Variants in BBS9 observed in about 807,000 individuals in gnomAD.
BBS9 encodes the protein Bardet-Biedl syndrome 9.
BBS9 carries 89 observed loss-of-function variants against 117.7 expected under a neutral mutation model. The observed-to-expected ratio is 0.76, with a 90% CI of 0.64 to 0.90. The LOEUF (loss-of-function observed/expected upper bound fraction) is 0.90, where lower values mean the gene tolerates loss of function less well. Ranked by LOEUF, BBS9 falls within the 40% of genes least tolerant of loss-of-function variation. The pLI is 0.00. For missense variants in BBS9, 982 were observed against 1,042.2 expected, an observed-to-expected ratio of 0.94 and a Z score of 0.80; for synonymous variants, 379 against 370.9, an observed-to-expected ratio of 1.02 and a Z score of -0.25.
intron 19 of BBS9, among the ~76,000 whole-genome samples, chr7:33,442,226 G>A (rs1168849454): frequency 6.6e-6 from 1 of 152,106 alleles, no homozygotes; most frequent in Non-Finnish European, 1.5e-5. Flanking sequence ...TCCACTTTCA[G>A]TCAGTTTGAC....
intron 5 of BBS9, among the ~76,000 whole-genome samples, chr7:33,219,972 C>T (rs572645781): frequency 6.6e-6 from 1 of 152,294 alleles, no homozygotes; most frequent in South Asian, 2.1e-4. Context: ...ACCATGAACC[C>T]ACCAGAAGGA....
chr7:33,303,917 C>T (rs2128527891), intron 9 of BBS9, among the ~76,000 whole-genome samples: 1 of 152,306 alleles, frequency 6.6e-6, no homozygotes, highest in Middle Eastern at 3.4e-3. Flanking sequence ...ACAGCCTCTG[C>T]CTGGCCGCCA....
At chr7:33,175,214 G>T (rs1451169867) in intron 4 of BBS9, among the ~76,000 whole-genome samples, 7 of 151,966 alleles carry the variant, frequency 4.6e-5, no homozygotes, top group African/African-American at 7.3e-5. Context: ...TGAGGCAAGA[G>T]AATTGCTTGA....
intron 17 of BBS9, among the ~76,000 whole-genome samples, chr7:33,377,293 G>A (rs76122346): frequency 0.011 from 1,635 of 151,236 alleles, 17 homozygotes; most frequent in African/African-American, 0.037. Flanking sequence ...CACCATTTGC[G>A]TGTTTTTGTC....
At chr7:33,392,579 T>C (rs1827244272) in intron 19 of BBS9, among the ~76,000 whole-genome samples, 1 of 152,224 alleles carries the variant, frequency 6.6e-6, no homozygotes, top group African/African-American at 2.4e-5. Flanking sequence ...ATATAGACTT[T>C]GCCTCTTTGT....
At chr7:33,149,216 A>G (rs1190169822) in intron 2 of BBS9, among the ~76,000 whole-genome samples, 1 of 152,214 alleles carries the variant, frequency 6.6e-6, no homozygotes, top group Non-Finnish European at 1.5e-5. Flanking sequence ...AGATGGGATC[A>G]GGTGTGCAGA....
At chr7:33,313,286 TA>T (rs141257564) in intron 9 of BBS9, among the ~76,000 whole-genome samples, 10,319 of 152,274 alleles carry the variant, frequency 0.068, 399 homozygotes, top group African/African-American at 0.079. Flanking sequence ...ATGACCAGTG[TA>T]ACTTGCCCAT....
intron 19 of BBS9, among the ~76,000 whole-genome samples, chr7:33,469,351 G>T (rs972967464): frequency 6.6e-6 from 1 of 152,048 alleles, no homozygotes; most frequent in Non-Finnish European, 1.5e-5. Context: ...AAATCAGTGT[G>T]CACAGATATC....
intron 21 of BBS9, among the ~76,000 whole-genome samples, chr7:33,556,756 A>G (rs1208054374): frequency 6.6e-6 from 1 of 152,134 alleles, no homozygotes; most frequent in Non-Finnish European, 1.5e-5. Context: ...AACATCACAG[A>G]ACTGCTCTAA....
chr7:33,421,770 T>G (rs1832895600), intron 19 of BBS9, among the ~76,000 whole-genome samples: 1 of 152,222 alleles, frequency 6.6e-6, no homozygotes, highest in African/African-American at 2.4e-5. Flanking sequence ...AGAAAAGCAT[T>G]CTCTAATTTA....
At chr7:33,260,510 T>C (rs940907974) in intron 6 of BBS9, among the ~76,000 whole-genome samples, 1 of 152,214 alleles carries the variant, frequency 6.6e-6, no homozygotes, top group African/African-American at 2.4e-5. Context: ...TTCCAGAGTA[T>C]CTTGCATTAT....
chr7:33,134,474 A>G (rs532555792), intron 1 of BBS9, among the ~76,000 whole-genome samples: 3 of 152,278 alleles, frequency 2.0e-5, no homozygotes, highest in African/African-American at 7.2e-5. Context: ...ACTGAGTTGT[A>G]TGAGTTCTTG....
intron 19 of BBS9, among the ~76,000 whole-genome samples, chr7:33,474,626 G>A (rs1352086181): frequency 2.0e-5 from 3 of 152,116 alleles, no homozygotes; most frequent in African/African-American, 7.2e-5. Context: ...ATCTCTTTCT[G>A]TCTATGCTCC....
intron 1 of BBS9, among the ~76,000 whole-genome samples, chr7:33,144,159 G>A (rs559434273): frequency 1.2e-4 from 18 of 152,256 alleles, no homozygotes; most frequent in African/African-American, 4.1e-4. Flanking sequence ...GTTAACATGT[G>A]GTGGCACAGG....
At chr7:33,580,775 G>A (rs1859743922) in intron 21 of BBS9, among the ~76,000 whole-genome samples, 1 of 152,106 alleles carries the variant, frequency 6.6e-6, no homozygotes, top group Non-Finnish European at 1.5e-5. Flanking sequence ...AACATATATA[G>A]GGTGATGGAT....
At chr7:33,147,120 CATATT>C (rs1792526274) in intron 2 of BBS9, among the ~76,000 whole-genome samples, 2 of 152,154 alleles carry the variant, frequency 1.3e-5, no homozygotes, top group Non-Finnish European at 2.9e-5. Context: ...CTTTCATTAT[CATATT>C]ATAATACTAA....
At chr7:33,469,199 C>CTT (rs1243990489) in intron 19 of BBS9, among the ~76,000 whole-genome samples, 1 of 152,118 alleles carries the variant, frequency 6.6e-6, no homozygotes, top group Non-Finnish European at 1.5e-5. Flanking sequence ...TGCCAAACCA[C>CTT]TTTAGCCCAG....
At chr7:33,395,839 A>G (rs991619624) in intron 19 of BBS9, among the ~76,000 whole-genome samples, 9 of 152,252 alleles carry the variant, frequency 5.9e-5, no homozygotes, top group African/African-American at 1.9e-4. Flanking sequence ...GGAATATATA[A>G]TGAAACCATT....
chr7:33,308,064 A>T (rs1034552579), intron 9 of BBS9, among the ~76,000 whole-genome samples: 7 of 152,148 alleles, frequency 4.6e-5, no homozygotes, highest in African/African-American at 1.7e-4. Context: ...TGGGATTGGG[A>T]TTTCATTGTG....
Sources: gnomAD v4.1 joint callset for allele counts (sites outside exome capture counted in the v4.1 genomes callset) on GRCh38, gnomAD v4.1.1 for gene constraint, MANE v1.5 for transcripts, NCBI Gene and HGNC (gene_info 2026-07-23, HGNC 2026-07-21) for gene names.